The following PIAS1 variants were observed in gnomAD, a reference collection of about 807,000 sequenced individuals.
The protein encoded by PIAS1 is E3 SUMO-protein ligase PIAS1.
Under a neutral mutation model 71.3 loss-of-function variants are expected in PIAS1, and 6 were observed. The observed-to-expected ratio is 0.08, with a 90% confidence interval of 0.05 to 0.17. The LOEUF (loss-of-function observed/expected upper bound fraction) is 0.17, where lower values mean the gene tolerates loss of function less well. PIAS1 is among the 10% of genes least tolerant of loss of function. PIAS1 has a pLI of 1.00. For missense variants in PIAS1, 555 were observed against 793.6 expected (o/e 0.70, Z 3.61); for synonymous variants, 303 against 292.9 (o/e 1.03, Z -0.35).
intron 2 of PIAS1, among the ~76,000 whole-genome samples, chr15:68,103,013 C>T (rs866516242): frequency 2.6e-5 from 4 of 151,978 alleles, no homozygotes; most frequent in Middle Eastern, 3.4e-3. Context: ...CTGCAACATC[C>T]GCCTCCTGGA....
chr15:68,067,777 A>C (rs57025369), intron 1 of PIAS1, among the ~76,000 whole-genome samples: 75,980 of 151,886 alleles, frequency 0.5, 19,438 homozygotes, highest in Non-Finnish European at 0.54. Flanking sequence ...AACTTATAGA[A>C]AGGTAGTAAA....
At chr15:68,055,482 C>T (rs533836755) in intron 1 of PIAS1, among the ~76,000 whole-genome samples, 5 of 152,136 alleles carry the variant, frequency 3.3e-5, no homozygotes, top group Non-Finnish European at 7.4e-5. Context: ...TACCACTACA[C>T]AAGCAGTTGG....
Position 68,187,669 on chromosome 15 carries a change from G to T in PIAS1, c.1790G>T (p.Gly597Val). ...TTTCTTGATCAGTTAAGTGCAGGAG[G>T]CAGTACTTCTCTGCCAACCACCAAT... ...QMFLDQLSAG[G>V]STSLPTTNGS... Residue 597 changes from glycine (G) to valine (V), a missense_variant, in exon 14 of 14, where the codon GGC becomes GTC. Coordinates refer to ENST00000249636, the MANE Select transcript of PIAS1 (RefSeq NM_016166.3). This position sits in a 1 kb window ranked among gnomAD's most constrained non-coding sequence, Gnocchi z 5.3. The T allele has an allele frequency of 6.2e-7, 1 of 1,613,968 alleles. No homozygotes were observed. Among genetic ancestry groups the T allele is most frequent in the Non-Finnish European group, 8.5e-7 (1 of 1,179,886 alleles).
At chr15:68,073,312 C>T (rs112361806) in intron 1 of PIAS1, among the ~76,000 whole-genome samples, 7,867 of 152,176 alleles carry the variant, frequency 0.052, 350 homozygotes, top group African/African-American at 0.12. Context: ...CCACCGTGCC[C>T]GGCGAGGTTA....
At chr15:68,057,663 C>A in intron 1 of PIAS1, 1 of 245,186 alleles carries the variant, frequency 4.1e-6, no homozygotes, top group South Asian at 4.0e-5. Flanking sequence ...TGTAATTTGT[C>A]TGCTTTTATT....
Position 68,192,384 on chromosome 15 carries a change from A to G in PIAS1, c.*4549A>G, listed in dbSNP as rs181302804. ...AGAAATTCTGCATTTCTGTTTTTGT[A>G]TTCTTAAGGCAGCCAAATCTCGTAA... is the stretch of plus-strand genomic sequence containing the variant. On this transcript the variant is annotated 3_prime_UTR_variant, in exon 14 of 14. Coordinates refer to ENST00000249636, the MANE Select transcript of PIAS1 (RefSeq NM_016166.3). The G allele has an allele frequency of 8.5e-5, 13 of 152,232 alleles. No individual in the cohort carries two copies. In the East Asian group the frequency reaches 2.5e-3, roughly 29 times the overall value. The allele number at this position is 152,232 out of a possible 1,614,324, so 9.4% of individuals were successfully genotyped here.
intron 1 of PIAS1, among the ~76,000 whole-genome samples, chr15:68,085,718 C>T (rs1567034461): frequency 6.6e-6 from 1 of 152,140 alleles, no homozygotes; most frequent in African/African-American, 2.4e-5. Context: ...AAGATAATGA[C>T]ATTCCATGTG....
chr15:68,068,216 A>C (rs1433591183), intron 1 of PIAS1, among the ~76,000 whole-genome samples: 1 of 152,128 alleles, frequency 6.6e-6, no homozygotes, highest in African/African-American at 2.4e-5. Context: ...CTACAAAAAA[A>C]TACAAAAAGT....
chr15:68,103,809 A>G (rs1456878306), intron 2 of PIAS1, among the ~76,000 whole-genome samples: 2 of 152,196 alleles, frequency 1.3e-5, no homozygotes, highest in Non-Finnish European at 2.9e-5. Context: ...GCCAAGTAAT[A>G]TTCCGTTATA....
Position 68,076,957 on chromosome 15 carries a change from T to C in PIAS1, c.25-9349T>C, listed in dbSNP as rs567955224. Among the ~76,000 whole-genome samples the C allele has an allele frequency of 1.6e-4, 24 of 152,306 alleles. No individual in the cohort carries two copies. In the South Asian group the frequency reaches 4.6e-3, roughly 29 times the overall value. ...AATAGAGGGGTGTAGGATACAATTT[T>C]TCAAAAGGGGTTTGAAAGGCTGGAA... On this transcript the variant is annotated intron_variant, in intron 1 of 13. Coordinates refer to ENST00000249636, the MANE Select transcript of PIAS1 (RefSeq NM_016166.3).
chr15:68,148,532 G>A (rs1301153956), intron 6 of PIAS1, among the ~76,000 whole-genome samples: 4 of 151,986 alleles, frequency 2.6e-5, no homozygotes, highest in Admixed American at 6.6e-5. Flanking sequence ...GGGTTCAAGC[G>A]ATTCTCCTGC....
At chr15:68,055,731 GTCT>G in intron 1 of PIAS1, 1 of 502,324 alleles carries the variant, frequency 2.0e-6, no homozygotes, top group Non-Finnish European at 3.5e-6. Flanking sequence ...TTTGGGGAGA[GTCT>G]TCTTTTTATA....
intron 1 of PIAS1, among the ~76,000 whole-genome samples, chr15:68,084,631 C>G (rs1041079570): frequency 6.6e-6 from 1 of 152,164 alleles, no homozygotes; most frequent in Non-Finnish European, 1.5e-5. Context: ...ACCTCCCACC[C>G]TTTCTTCTGG....
At chr15:68,129,819 A>G (rs2092677112) in intron 2 of PIAS1, among the ~76,000 whole-genome samples, 2 of 149,516 alleles carry the variant, frequency 1.3e-5, no homozygotes, top group Non-Finnish European at 3.0e-5. Flanking sequence ...ACACACACAC[A>G]CACACACACA....
intron 2 of PIAS1, among the ~76,000 whole-genome samples, chr15:68,137,318 C>T (rs889046161): frequency 1.3e-5 from 2 of 151,942 alleles, no homozygotes; most frequent in African/African-American, 2.4e-5. Context: ...GTTCATATGT[C>T]CCCTGAGAGA....
chr15:68,056,001 AT>A, intron 1 of PIAS1: 1 of 678,584 alleles, frequency 1.5e-6, no homozygotes, highest in Non-Finnish European at 2.7e-6. Context: ...GATGGTTTTG[AT>A]TTTTCCCCAG....
Position 68,181,350 on chromosome 15 carries a change from A to G in PIAS1, c.1620A>G (p.Leu540=). The change falls in exon 12 of 14, where the codon TTA becomes TTG. Residue 540 remains leucine (L), a synonymous_variant. Coordinates refer to ENST00000249636, the MANE Select transcript of PIAS1 (RefSeq NM_016166.3). ...PFHMTPMPYD[L]QGLDFFPFLS... ...ACATGACACCCATGCCTTACGACTT[A>G]CAAGGTGAGTCACTGGTTCTTCTAC... The G allele has an allele frequency of 6.2e-7, 1 of 1,613,546 alleles. No individual in the cohort carries two copies. Among genetic ancestry groups the G allele is most frequent in the Non-Finnish European group, 8.5e-7 (1 of 1,179,536 alleles).
intron 2 of PIAS1, among the ~76,000 whole-genome samples, chr15:68,113,747 G>A (rs571161539): frequency 8.6e-5 from 13 of 152,042 alleles, no homozygotes; most frequent in Admixed American, 2.0e-4. Context: ...GCTTATTAAG[G>A]ATGGGCTTAT....
At chr15:68,141,886 GC>G in intron 2 of PIAS1, 59 bp from the exon 3 acceptor site, 1 of 809,558 alleles carries the variant, frequency 1.2e-6, no homozygotes, top group Non-Finnish European at 1.9e-6. Context: ...TTTTTTTTTT[GC>G]TTTTGTCTTT....
Sources: gnomAD v4.1 joint callset for allele counts (sites outside exome capture counted in the v4.1 genomes callset) on GRCh38, gnomAD v4.1.1 for gene constraint, Gnocchi (gnomAD v3.1) non-coding constraint, MANE v1.5 for transcripts, NCBI Gene and HGNC (gene_info 2026-07-23, HGNC 2026-07-21) for gene names.